RABEP1: variants seen among roughly 807,000 people sequenced by gnomAD.
RABEP1 encodes the protein rab GTPase-binding effector protein 1.
In RABEP1, 51 loss-of-function variants were observed where a neutral mutation model predicts 123.4. The observed-to-expected ratio is 0.41, with a 90% CI of 0.33 to 0.52. The LOEUF (loss-of-function observed/expected upper bound fraction) is 0.52, where lower values mean the gene tolerates loss of function less well. RABEP1 is among the 20% of genes least tolerant of loss of function. RABEP1 has a pLI of 0.16. For synonymous variants in RABEP1, 347 were observed against 355.2 expected, an observed-to-expected ratio of 0.98 and a Z score of 0.26; for missense variants, 888 against 996.3, an observed-to-expected ratio of 0.89 and a Z score of 1.46.
chr17:5,366,834 A>G (rs1260343060), intron 11 of RABEP1, among the ~76,000 whole-genome samples: 1 of 151,884 alleles, frequency 6.6e-6, no homozygotes, highest in Non-Finnish European at 1.5e-5. Flanking sequence ...TCACACCTGT[A>G]ATCCCAGCAC....
In RABEP1 at chr17:5,384,495, A is replaced by G. The variant is rs1911776559; in HGVS notation, c.*1272A>G. 1 of 216,692 alleles carries G rather than the reference A, an allele frequency of 4.6e-6. No individual in the cohort carries two copies. The highest frequency in any genetic ancestry group is 9.3e-6 in the Non-Finnish European group (1 of 107,764). The allele number at this position is 216,692 out of a possible 1,614,324, so 13.4% of individuals were successfully genotyped here. A position where few individuals can be genotyped will look rare whatever the true frequency, so the allele number is the denominator to read the frequency against. On this transcript the variant is annotated 3_prime_UTR_variant, in exon 18 of 18. Transcript: ENST00000537505. Reference sequence around the variant, plus strand: ...GGTTGCATAACAGCAGGGTACCTGAAAGAGCCTTCTGGGAGTTAGTGAACT... The same window carrying G: ...GGTTGCATAACAGCAGGGTACCTGAGAGAGCCTTCTGGGAGTTAGTGAACT...
chr17:5,365,061 TAAAA>T, intron 10 of RABEP1, 57 bp from the exon 11 acceptor site: 7 of 910,934 alleles, frequency 7.7e-6, no homozygotes, highest in South Asian at 3.7e-5. Context: ...GAGTTAGATT[TAAAA>T]AAAAAAAAAT....
chr17:5,330,204 GGTCT>G (rs1289603589), intron 2 of RABEP1, among the ~76,000 whole-genome samples: 38 of 152,022 alleles, frequency 2.5e-4, no homozygotes, highest in African/African-American at 8.7e-4. Context: ...CATCTTTCTG[GGTCT>G]GTCTATTTGC....
At chr17:5,314,708 C>T (rs535855402) in intron 2 of RABEP1, among the ~76,000 whole-genome samples, 9 of 152,006 alleles carry the variant, frequency 5.9e-5, no homozygotes, top group Admixed American at 1.3e-4. Context: ...TTAGTAGAGA[C>T]GGGGTTTCAC....
intron 11 of RABEP1, among the ~76,000 whole-genome samples, chr17:5,366,333 CTGTT>C (rs1356532842): frequency 6.6e-6 from 1 of 151,994 alleles, no homozygotes; most frequent in Non-Finnish European, 1.5e-5. Context: ...ATTGGGTGGT[CTGTT>C]TATTTTACTT....
rs114409761 is a variant in RABEP1 at position 5,360,733 on chromosome 17, G to A, written c.1096-475G>A. ...GCTGTGACTTTAATTATCATTATAC[G>A]ATAGTTACTCTCAAGTCTCTATCGA... On this transcript the variant is annotated intron_variant, in intron 8 of 17. Transcript: ENST00000537505. 5.1e-3 allele frequency among the ~76,000 whole-genome samples: 781 copies of A among 152,154 alleles called. 5 individuals are homozygous for A. Among genetic ancestry groups the A allele is most frequent in the African/African-American group, 0.018 (728 of 41,512 alleles).
intron 5 of RABEP1, among the ~76,000 whole-genome samples, chr17:5,339,910 A>G (rs1428634954): frequency 6.6e-6 from 1 of 152,186 alleles, no homozygotes; most frequent in Non-Finnish European, 1.5e-5. Context: ...AAGATAGGAT[A>G]AGGGGGAAAA....
Position 5,377,292 on chromosome 17 carries a change from C to A in RABEP1, c.2202C>A (p.Cys734Ter). The change falls in exon 14 of 18, where the codon TGC (cysteine) becomes TGA (stop). Residue 734 changes from cysteine (C) to a stop codon, truncating the protein, a stop_gained. Coordinates refer to ENST00000537505, the MANE Select transcript of RABEP1 (RefSeq NM_004703.6). LOFTEE classifies it high-confidence loss of function. ...EETLQLEIENCKEEIASISSL... is the reference protein window; with the variant it reads ...EETLQLEIEN The stretch of plus-strand genomic sequence containing the variant: ...CTCTGCAACTAGAAATAGAAAACTG[C>A]AAGGAGGAAATAGGTGAAGATAAAA... 1 of 1,582,530 alleles carries A rather than the reference C, an allele frequency of 6.3e-7. No individual in the cohort carries two copies. The highest frequency in any genetic ancestry group is 8.5e-7 in the Non-Finnish European group (1 of 1,171,920).
chr17:5,358,495 A>G (rs1197876783), intron 8 of RABEP1, among the ~76,000 whole-genome samples: 1 of 152,026 alleles, frequency 6.6e-6, no homozygotes, highest in Admixed American at 6.6e-5. Context: ...ACATGGCGGA[A>G]CTCATCCCTA....
intron 8 of RABEP1, among the ~76,000 whole-genome samples, chr17:5,360,395 T>C (rs926429350): frequency 2.0e-5 from 3 of 152,152 alleles, no homozygotes; most frequent in African/African-American, 7.2e-5. Flanking sequence ...ACCCCATCTC[T>C]ACTAAAAATA....
chr17:5,302,129 T>C (rs2075140414), intron 1 of RABEP1, among the ~76,000 whole-genome samples: 1 of 151,916 alleles, frequency 6.6e-6, no homozygotes, highest in Non-Finnish European at 1.5e-5. Flanking sequence ...TTAGGAGAAA[T>C]CTGGAGAAGA....
At chr17:5,344,066 ATACTAT>A (rs1436510903) in intron 5 of RABEP1, among the ~76,000 whole-genome samples, 2 of 152,204 alleles carry the variant, frequency 1.3e-5, no homozygotes, top group Non-Finnish European at 2.9e-5. Flanking sequence ...TTGTTAAAAG[ATACTAT>A]TAATACAAAA....
intron 17 of RABEP1, 33 bp downstream of exon 17, chr17:5,381,538 G>A (rs1299646259): frequency 6.3e-6 from 10 of 1,599,228 alleles, no homozygotes; most frequent in East Asian, 2.3e-5. Context: ...TACAGAGCAC[G>A]AAGGCAGTTT....
chr17:5,295,554 G>A (rs2075075407), intron 1 of RABEP1, among the ~76,000 whole-genome samples: 1 of 151,692 alleles, frequency 6.6e-6, no homozygotes, highest in African/African-American at 2.4e-5. Context: ...TAAATATTTA[G>A]CCAAATACTT....
At chr17:5,339,765 T>C (rs1005001340) in intron 5 of RABEP1, among the ~76,000 whole-genome samples, 2 of 151,840 alleles carry the variant, frequency 1.3e-5, no homozygotes, top group Non-Finnish European at 2.9e-5. Context: ...ACTGTACCAC[T>C]GCACTCCAGC....
chr17:5,324,782 G>A (rs565901890), intron 2 of RABEP1, among the ~76,000 whole-genome samples: 125 of 152,146 alleles, frequency 8.2e-4, no homozygotes, highest in Non-Finnish European at 1.6e-3. Flanking sequence ...TGGCCAAGAG[G>A]TATGTGAAAA....
At position 5,378,039 on chromosome 17, in the gene RABEP1, G is replaced by C. The variant is rs2144728776; in HGVS notation, c.2216-138G>C. The C allele has an allele frequency of 4.8e-6, 3 of 626,498 alleles. No individual in the cohort carries two copies. The East Asian group carries it at 8.5e-5, about 18-fold the overall frequency. The allele number at this position is 626,498 out of a possible 1,614,324, so 38.8% of individuals were successfully genotyped here. A position where few individuals can be genotyped will look rare whatever the true frequency, so the allele number is the denominator to read the frequency against. ...GCCTAAATATGCTGATTGCTTGGTG[G>C]TAATTTTGAGACAGCCCCCGGAACC... On this transcript the variant is annotated intron_variant, in intron 14 of 17. Coordinates refer to ENST00000537505, the MANE Select transcript of RABEP1 (RefSeq NM_004703.6).
intron 1 of RABEP1, among the ~76,000 whole-genome samples, chr17:5,283,304 CTA>C (rs555499495): frequency 1.3e-4 from 20 of 148,376 alleles, no homozygotes; most frequent in Admixed American, 4.0e-4. Context: ...GCTTGTGGAA[CTA>C]AAAAAAAAAA....
rs1182637552 is a variant in RABEP1 at position 5,383,519 on chromosome 17, A to AAGAC, written c.*300_*303dup. On this transcript the variant is annotated 3_prime_UTR_variant, in exon 18 of 18. Transcript: ENST00000537505. ...CGCTGTTTCCTTGCCTGCTTTCTCC[A>AAGAC]AGACAGATTTTCGGAACACATTTCC... 1 of 369,244 alleles carries AAGAC rather than the reference A, an allele frequency of 2.7e-6. No homozygotes were observed. The highest frequency in any genetic ancestry group is 2.0e-5 in the African/African-American group (1 of 49,624). The allele number at this position is 369,244 out of a possible 1,614,324, so 22.9% of individuals were successfully genotyped here.
Sources: gnomAD v4.1 joint callset for allele counts (sites outside exome capture counted in the v4.1 genomes callset) on GRCh38, gnomAD v4.1.1 for gene constraint, MANE v1.5 for transcripts, NCBI Gene and HGNC (gene_info 2026-07-23, HGNC 2026-07-21) for gene names.